The following TSNARE1 variants were observed in gnomAD, a reference collection of about 807,000 sequenced individuals.
The protein encoded by TSNARE1 is t-SNARE domain containing 1, also known as t-SNARE domain-containing protein 1.
Under a neutral mutation model 62.0 loss-of-function variants are expected in TSNARE1, and 49 were observed. That is an observed-to-expected ratio of 0.79 (90% CI 0.63 to 1.00). The LOEUF is 1.00. TSNARE1 is among the 50% of genes least tolerant of loss of function. TSNARE1 has a pLI of 0.00. For synonymous variants in TSNARE1, 328 were observed against 294.4 expected, an observed-to-expected ratio of 1.11 and a Z score of -1.17; for missense variants, 755 against 700.1, an observed-to-expected ratio of 1.08 and a Z score of -0.88.
chr8:142,383,327 G>A (rs186909799), intron 1 of TSNARE1, among the ~76,000 whole-genome samples: 50 of 152,340 alleles, frequency 3.3e-4, no homozygotes, highest in African/African-American at 1.1e-3. Context: ...TCAGAGAACA[G>A]GATGCTGCCA....
At chr8:142,219,592 C>A (rs1440455893) in intron 13 of TSNARE1, among the ~76,000 whole-genome samples, 2 of 152,244 alleles carry the variant, frequency 1.3e-5, no homozygotes, top group East Asian at 1.9e-4. Flanking sequence ...ACACGTGGCC[C>A]TGCTACTGGA....
In TSNARE1 at chr8:142,361,461, C is replaced by T. The variant is rs114636771; in HGVS notation, c.-39-6698G>A. Reference sequence around the variant, plus strand: ...CGGCAGCAGAGGCAATGGCAAGAAGCGGCGCTGCCTCCCAGGAGCGAGGGC... The same window carrying T: ...CGGCAGCAGAGGCAATGGCAAGAAGTGGCGCTGCCTCCCAGGAGCGAGGGC... On this transcript the variant is annotated intron_variant, in intron 1 of 13. Coordinates refer to ENST00000524325, the MANE Select transcript of TSNARE1 (RefSeq NM_145003.5). Among the ~76,000 whole-genome samples the T allele has an allele frequency of 6.1e-3, 922 of 152,288 alleles. 10 individuals carry two copies. The highest frequency in any genetic ancestry group is 0.021 in the African/African-American group (861 of 41,566).
chr8:142,214,249 C>T (rs999214193), intron 13 of TSNARE1, among the ~76,000 whole-genome samples: 16 of 152,194 alleles, frequency 1.1e-4, no homozygotes, highest in Admixed American at 9.8e-4. Context: ...GGGCAGACCC[C>T]GCTCCCCACC....
intron 4 of TSNARE1, among the ~76,000 whole-genome samples, chr8:142,336,302 A>C (rs1480412657): frequency 1.3e-5 from 2 of 151,010 alleles, no homozygotes; most frequent in African/African-American, 4.9e-5. Flanking sequence ...AAAAAAAAAA[A>C]AAAAGGCAAG....
chr8:142,232,101 G>A (rs918151505), intron 12 of TSNARE1, among the ~76,000 whole-genome samples: 7 of 152,244 alleles, frequency 4.6e-5, no homozygotes, highest in African/African-American at 1.7e-4. Context: ...GTGGCCTTGA[G>A]CACAGTGCTG....
chr8:142,273,561 CTT>C (rs955472810), intron 12 of TSNARE1: 1 of 985,326 alleles, frequency 1.0e-6, no homozygotes, highest in African/African-American at 1.7e-5. Context: ...TCTCCCAGGT[CTT>C]GTCTCCCGGC....
At chr8:142,248,627 C>T (rs893078207) in intron 12 of TSNARE1, among the ~76,000 whole-genome samples, 47 of 152,296 alleles carry the variant, frequency 3.1e-4, no homozygotes, top group African/African-American at 4.8e-4. Flanking sequence ...GGACTCGTGG[C>T]GCTGAGAGTG....
At chr8:142,272,134 C>T (rs1243194627) in intron 12 of TSNARE1, among the ~76,000 whole-genome samples, 2 of 141,682 alleles carry the variant, frequency 1.4e-5, no homozygotes, top group African/African-American at 5.6e-5. Context: ...CCCCTTCCAA[C>T]CTCCTCTTCC....
intron 4 of TSNARE1, among the ~76,000 whole-genome samples, chr8:142,339,840 A>T (rs1335027485): frequency 6.6e-6 from 1 of 152,228 alleles, no homozygotes; most frequent in Non-Finnish European, 1.5e-5. Flanking sequence ...GCCCTGCCGT[A>T]CAGCGCCCTC....
chr8:142,350,006 G>A (rs939472880), intron 2 of TSNARE1, among the ~76,000 whole-genome samples: 1 of 140,684 alleles, frequency 7.1e-6, no homozygotes, highest in African/African-American at 2.6e-5. Flanking sequence ...GGCAGGGCGG[G>A]CAAGGCTGGG....
intron 9 of TSNARE1, among the ~76,000 whole-genome samples, chr8:142,306,129 A>G (rs1826629936): frequency 6.6e-6 from 1 of 151,526 alleles, no homozygotes. Context: ...AACAGACTCT[A>G]TTTATTCACT....
intron 10 of TSNARE1, among the ~76,000 whole-genome samples, chr8:142,285,359 G>A (rs1386525845): frequency 1.4e-5 from 2 of 148,144 alleles, no homozygotes; most frequent in African/African-American, 4.9e-5. Context: ...TAGATGGATG[G>A]GTGGGTGGGT....
At chr8:142,385,686 C>T (rs2131289673) in intron 1 of TSNARE1, among the ~76,000 whole-genome samples, 1 of 152,274 alleles carries the variant, frequency 6.6e-6, no homozygotes, top group South Asian at 2.1e-4. Context: ...TAAAGGCAAA[C>T]ACTGAGAAAG....
intron 10 of TSNARE1, among the ~76,000 whole-genome samples, chr8:142,299,915 T>C (rs769230495): frequency 3.3e-4 from 51 of 152,272 alleles, no homozygotes; most frequent in Admixed American, 9.2e-4. Flanking sequence ...AAATGAAAAA[T>C]AAGCATTATA....
chr8:142,272,322 ACCCG>A (rs1177763571), intron 12 of TSNARE1, among the ~76,000 whole-genome samples: 1 of 141,624 alleles, frequency 7.1e-6, no homozygotes, highest in African/African-American at 2.7e-5. Context: ...CTACCCATCC[ACCCG>A]CCCGTCTACA....
At chr8:142,231,978 C>A (rs1586799518) in intron 12 of TSNARE1, among the ~76,000 whole-genome samples, 1 of 152,360 alleles carries the variant, frequency 6.6e-6, no homozygotes, top group East Asian at 1.9e-4. Context: ...CCTGAGGAAC[C>A]ATGCGTGGGG....
At chr8:142,267,219 A>C (rs1819178603) in intron 12 of TSNARE1, among the ~76,000 whole-genome samples, 1 of 152,164 alleles carries the variant, frequency 6.6e-6, no homozygotes, top group Admixed American at 6.5e-5. Context: ...GTGATTTCCA[A>C]CTGGAGGCCC....
intron 12 of TSNARE1, chr8:142,272,544 TGTCTACACCTTCCTTCCATCCACCCACCC>T (rs1819734767): frequency 1.2e-5 from 5 of 429,272 alleles, no homozygotes; most frequent in Non-Finnish European, 1.4e-5. Flanking sequence ...TCTACCCACC[TGTCTACACCTTCCTTCCATCCACCCACCC>T]GTCTACACCT....
At chr8:142,346,923 C>T (rs1218981219) in intron 2 of TSNARE1, among the ~76,000 whole-genome samples, 2 of 152,238 alleles carry the variant, frequency 1.3e-5, no homozygotes, top group African/African-American at 4.8e-5. Flanking sequence ...TTTCCCAAAG[C>T]CTCTCATCGG....
Sources: gnomAD v4.1 joint callset for allele counts (sites outside exome capture counted in the v4.1 genomes callset) on GRCh38, gnomAD v4.1.1 for gene constraint, MANE v1.5 for transcripts, NCBI Gene and HGNC (gene_info 2026-07-23, HGNC 2026-07-21) for gene names.